GRAP2: variants seen among roughly 807,000 people sequenced by gnomAD.
GRAP2 encodes the protein GRB2 related adaptor protein 2.
In GRAP2, 31 loss-of-function variants were observed where a neutral mutation model predicts 43.5. The observed-to-expected ratio is 0.71, with a 90% CI of 0.54 to 0.96. The LOEUF is 0.96. Ranked by LOEUF, GRAP2 falls within the 40% of genes least tolerant of loss-of-function variation. The pLI is 0.00. For synonymous variants in GRAP2, 156 were observed against 164.8 expected, an observed-to-expected ratio of 0.95 and a Z score of 0.41; for missense variants, 371 against 424.4, an observed-to-expected ratio of 0.87 and a Z score of 1.11.
chr22:39,901,208 T>A lies in GRAP2; in HGVS notation c.-137T>A, dbSNP rs541718390. 3.3e-6 allele frequency: 3 copies of A among 901,310 alleles called. No individual in the cohort carries two copies. The highest frequency in any genetic ancestry group is 4.7e-6 in the Non-Finnish European group (3 of 634,374). The allele number at this position is 901,310 out of a possible 1,614,324, so 55.8% of individuals were successfully genotyped here. A position where few individuals can be genotyped will look rare whatever the true frequency, so the allele number is the denominator to read the frequency against. ...GTGGTACATGGAAGACAGCACAAAG[T>A]GGATCCATACTCTGAAATGCAGTAA... On this transcript the variant is annotated 5_prime_UTR_variant, in exon 1 of 8. Coordinates refer to ENST00000344138, the MANE Select transcript of GRAP2 (RefSeq NM_004810.4).
At position 39,901,180 on chromosome 22, in the gene GRAP2, A is replaced by C. The variant is rs1194511209; in HGVS notation, c.-165A>C. The C allele has an allele frequency of 1.6e-6, 1 of 630,226 alleles. No individual in the cohort carries two copies. Among genetic ancestry groups the C allele is most frequent in the Non-Finnish European group, 2.6e-6 (1 of 387,582 alleles). The allele number at this position is 630,226 out of a possible 1,614,324, so 39.0% of individuals were successfully genotyped here. ...GATCTGTAAACTTGCACCCTCTTTCAGAGTGGTACATGGAAGACAGCACAA... is the reference window on the plus strand; with the variant it reads ...GATCTGTAAACTTGCACCCTCTTTCCGAGTGGTACATGGAAGACAGCACAA... On this transcript the variant is annotated 5_prime_UTR_variant, in exon 1 of 8. Coordinates refer to ENST00000344138, the MANE Select transcript of GRAP2 (RefSeq NM_004810.4).
intron 2 of GRAP2, among the ~76,000 whole-genome samples, chr22:39,949,060 A>G (rs1224120029): frequency 6.6e-6 from 1 of 151,334 alleles, no homozygotes; most frequent in African/African-American, 2.4e-5. Context: ...TTGCTCTTGA[A>G]CTCCAGACCC....
At chr22:39,894,423 G>C in the GRAP2 span, among the ~76,000 whole-genome samples, 102 of 115,598 alleles carry the variant, frequency 8.8e-4, no homozygotes, top group Middle Eastern at 5.5e-3. Context: ...GTTGTGGGGT[G>C]GGGGGAGGGG....
chr22:39,964,287 C>G, intron 4 of GRAP2: 1 of 653,292 alleles, frequency 1.5e-6, no homozygotes, highest in Non-Finnish European at 2.7e-6. Context: ...TGTCCCATCA[C>G]TTGTGAGTCC....
upstream of GRAP2, among the ~76,000 whole-genome samples, chr22:39,900,886 A>G (rs2066488417): frequency 6.6e-6 from 1 of 152,174 alleles, no homozygotes; most frequent in South Asian, 2.1e-4. Flanking sequence ...AAGAACTATA[A>G]ATTTTCTTAT....
chr22:39,908,515 T>A (rs566514876), intron 1 of GRAP2, among the ~76,000 whole-genome samples: 37 of 152,342 alleles, frequency 2.4e-4, no homozygotes, highest in African/African-American at 8.9e-4. Flanking sequence ...GATAGATCCT[T>A]ATCCTTCTAA....
chr22:39,913,209 AAAG>A (rs1252558139), intron 1 of GRAP2, among the ~76,000 whole-genome samples: 1 of 151,430 alleles, frequency 6.6e-6, no homozygotes, highest in Non-Finnish European at 1.5e-5. Flanking sequence ...AAAAAAAAAA[AAAG>A]AGGACAGGGC....
At chr22:39,951,696 A>T (rs1396040308) in intron 2 of GRAP2, among the ~76,000 whole-genome samples, 1 of 152,188 alleles carries the variant, frequency 6.6e-6, no homozygotes, top group Non-Finnish European at 1.5e-5. Context: ...GGGGAACCGA[A>T]CAGATGGAGA....
chr22:39,968,471 A>T, intron 6 of GRAP2, 199 bp downstream of exon 6: 1 of 589,726 alleles, frequency 1.7e-6, no homozygotes, highest in Non-Finnish European at 3.0e-6. Flanking sequence ...ACACACACAC[A>T]CACACACACT....
intron 1 of GRAP2, among the ~76,000 whole-genome samples, chr22:39,912,193 G>A (rs1235470931): frequency 2.6e-5 from 4 of 152,200 alleles, no homozygotes; most frequent in African/African-American, 9.7e-5. Context: ...GGCCAGGGTG[G>A]GAGGATTGCT....
At chr22:39,931,251 C>T (rs1369128684) in intron 1 of GRAP2, among the ~76,000 whole-genome samples, 2 of 152,076 alleles carry the variant, frequency 1.3e-5, no homozygotes, top group Admixed American at 6.5e-5. Context: ...AATCTGAAAA[C>T]GAACCTGGAT....
chr22:39,924,696 C>T (rs1005160748), intron 1 of GRAP2, among the ~76,000 whole-genome samples: 14 of 151,362 alleles, frequency 9.2e-5, no homozygotes, highest in African/African-American at 3.2e-4. Flanking sequence ...AACGAGACTC[C>T]GTCTCAAAAA....
chr22:39,898,928 ACTT>A (rs1177010420), upstream of GRAP2, among the ~76,000 whole-genome samples: 1 of 152,146 alleles, frequency 6.6e-6, no homozygotes, highest in African/African-American at 2.4e-5. Flanking sequence ...TAAAAAAGAA[ACTT>A]CTCCACTGTG....
At chr22:39,957,928 T>A (rs1363570231) in intron 3 of GRAP2, among the ~76,000 whole-genome samples, 2 of 151,872 alleles carry the variant, frequency 1.3e-5, no homozygotes, top group Admixed American at 1.3e-4. Flanking sequence ...AGAGAGAGAC[T>A]CTGTTTCAAA....
At chr22:39,949,389 A>G (rs556579792) in intron 2 of GRAP2, among the ~76,000 whole-genome samples, 6 of 152,002 alleles carry the variant, frequency 3.9e-5, no homozygotes, top group Non-Finnish European at 8.8e-5. Context: ...TTTCCCCTCC[A>G]TTTCATAGAT....
At chr22:39,922,781 G>A (rs186779869) in intron 1 of GRAP2, among the ~76,000 whole-genome samples, 4 of 152,246 alleles carry the variant, frequency 2.6e-5, no homozygotes, top group South Asian at 4.1e-4. Context: ...GGTGGCTCGC[G>A]CCTGTAATCC....
chr22:39,937,734 C>A (rs1224060781), intron 1 of GRAP2, among the ~76,000 whole-genome samples: 1 of 152,144 alleles, frequency 6.6e-6, no homozygotes, highest in Non-Finnish European at 1.5e-5. Flanking sequence ...AGAAGATAAA[C>A]TATGGTTCTC....
At chr22:39,913,358 A>G (rs2066580919) in intron 1 of GRAP2, among the ~76,000 whole-genome samples, 1 of 152,150 alleles carries the variant, frequency 6.6e-6, no homozygotes, top group Non-Finnish European at 1.5e-5. Context: ...GACATGGAAA[A>G]CAAGAAAGGA....
At chr22:39,951,670 T>C (rs2037752597) in intron 2 of GRAP2, among the ~76,000 whole-genome samples, 1 of 152,062 alleles carries the variant, frequency 6.6e-6, no homozygotes, top group Non-Finnish European at 1.5e-5. Flanking sequence ...GTTTACACGA[T>C]GGGTACACGA....
Sources: gnomAD v4.1 joint callset for allele counts (sites outside exome capture counted in the v4.1 genomes callset) on GRCh38, gnomAD v4.1.1 for gene constraint, MANE v1.5 for transcripts, NCBI Gene and HGNC (gene_info 2026-07-23, HGNC 2026-07-21) for gene names.